Variants in CHIA observed in about 807,000 individuals in gnomAD.
CHIA encodes the protein chitinase acidic, also known as acidic mammalian chitinase.
Under a neutral mutation model 53.5 loss-of-function variants are expected in CHIA, and 47 were observed. The ratio of observed to expected loss-of-function variants is 0.88; its 90% CI spans 0.70 to 1.12. The LOEUF (loss-of-function observed/expected upper bound fraction) is 1.12, where lower values mean the gene tolerates loss of function less well. Ranked by LOEUF, CHIA falls within the 50% of genes most tolerant of loss-of-function variation. CHIA has a pLI of 0.00. For missense variants in CHIA, 652 were observed against 592.2 expected, an observed-to-expected ratio of 1.10 and a Z score of -1.05; for synonymous variants, 268 against 222.2, an observed-to-expected ratio of 1.21 and a Z score of -1.83.
intron 6 of CHIA, 178 bp downstream of exon 6, chr1:111,315,613 C>G (rs907326579): frequency 1.6e-6 from 1 of 644,118 alleles, no homozygotes; most frequent in Non-Finnish European, 2.6e-6. Flanking sequence ...AACAACAAAG[C>G]AACATGTGAG....
At chr1:111,315,663 C>A in intron 6 of CHIA, 1 of 588,886 alleles carries the variant, frequency 1.7e-6, no homozygotes, top group Admixed American at 2.3e-5. Flanking sequence ...TTTTAAGAAC[C>A]ATAACTCATT....
intron 1 of CHIA, among the ~76,000 whole-genome samples, chr1:111,293,202 A>G (rs1661131406): frequency 6.6e-6 from 1 of 152,206 alleles, no homozygotes. Flanking sequence ...TCCCACCAAC[A>G]GGGCACAACT....
rs748089793 is a variant in CHIA, at chr1:111,319,232, A to G, written c.1028A>G (p.Asp343Gly). The G allele has an allele frequency of 6.2e-7, 1 of 1,614,208 alleles. No homozygotes were observed. The highest frequency in any genetic ancestry group is 8.5e-7 in the Non-Finnish European group (1 of 1,180,022). The stretch of plus-strand genomic sequence containing the variant: ...GGCTATGACAACATCAAGAGCTTCG[A>G]TATTAAGGTAAGATCAGTCCCTTAA... Reference protein sequence around the residue: ...WVGYDNIKSFDIKAQWLKHNK... With the variant: ...WVGYDNIKSFGIKAQWLKHNK... Residue 343 changes from aspartate (D) to glycine (G), a missense_variant, in exon 10 of 12, where the codon GAT becomes GGT. Transcript: ENST00000369740.
intron 6 of CHIA, 126 bp from the exon 7 acceptor site, chr1:111,317,555 A>G (rs1649255764): frequency 1.9e-6 from 2 of 1,071,256 alleles, no homozygotes; most frequent in African/African-American, 1.6e-5. Context: ...GAGAGACTAA[A>G]GTAAAATAAA....
chr1:111,297,164 CAGG>C (rs958522420), intron 1 of CHIA, among the ~76,000 whole-genome samples: 4 of 152,132 alleles, frequency 2.6e-5, no homozygotes, highest in African/African-American at 9.7e-5. Flanking sequence ...GGATATTATC[CAGG>C]AGAACTTCCG....
chr1:111,310,545 T>C, intron 2 of CHIA, 53 bp downstream of exon 2: 1 of 1,613,142 alleles, frequency 6.2e-7, no homozygotes, highest in Non-Finnish European at 8.5e-7. Context: ...TCTTTTTCTC[T>C]CACAGGCTCT....
chr1:111,292,093 C>G (rs1433442075), intron 1 of CHIA, among the ~76,000 whole-genome samples: 1 of 152,092 alleles, frequency 6.6e-6, no homozygotes, highest in Non-Finnish European at 1.5e-5. Flanking sequence ...GTGCAAACTC[C>G]CCTTTCCCCT....
rs746988914 is a variant in CHIA, at chr1:111,318,012, C to G, written c.632C>G (p.Thr211Ser). The change falls in exon 8 of 12, where the codon ACC becomes AGC. Residue 211 changes from threonine to serine, a missense_variant. Physicochemically the swap from Thr to Ser is moderately conservative, Grantham distance 58. Transcript: ENST00000369740. ...TACCTGGACTACATCCATGTCATGA[C>G]CTACGACCTCCATGGCTCCTGGGAG... ...SQYLDYIHVM[T>S]YDLHGSWEGY... 3.7e-6 allele frequency: 6 copies of G among 1,614,050 alleles called. No individual in the cohort carries two copies.
chr1:111,315,177 G>GA, intron 5 of CHIA, 93 bp from the exon 6 acceptor site: 1 of 896,368 alleles, frequency 1.1e-6, no homozygotes, highest in Non-Finnish European at 1.8e-6. Flanking sequence ...GGGTCCTGAT[G>GA]AAGGGCTCTG....
intron 1 of CHIA, among the ~76,000 whole-genome samples, chr1:111,301,225 A>G (rs534439431): frequency 1.4e-4 from 21 of 152,338 alleles, no homozygotes; most frequent in Middle Eastern, 3.4e-3. Flanking sequence ...CGATCCCATT[A>G]CTGGGTATAT....
chr1:111,311,641 G>T, intron 2 of CHIA, 48 bp from the exon 3 acceptor site: 1 of 1,603,900 alleles, frequency 6.2e-7, no homozygotes. Context: ...TAGATTCTAC[G>T]GGGTACAGAC....
At chr1:111,291,339 G>A (rs1480425483) in intron 1 of CHIA, among the ~76,000 whole-genome samples, 1 of 152,192 alleles carries the variant, frequency 6.6e-6, no homozygotes. Context: ...CCATAAACAG[G>A]AATGAGATCA....
rs201266629 is a variant in CHIA at position 111,318,676 on chromosome 1, G to A, written c.913G>A (p.Glu305Lys). Residue 305 changes from glutamate to lysine, a missense_variant and splice_region_variant, in exon 9 of 12, where the codon GAG (glutamate) becomes AAG (lysine). By Grantham distance (56) the Glu-to-Lys change is moderately conservative. Transcript: ENST00000369740. ...AKESGIWAYYEICTFLKNGAT... is the reference protein window; with the variant it reads ...AKESGIWAYYKICTFLKNGAT... ...GGAGTCTGGGATCTGGGCTTACTAC[G>A]AGGTATGTAGATTGGACTGAAAAGT... 10 of 1,612,458 alleles carry A rather than the reference G, an allele frequency of 6.2e-6. No individual in the cohort carries two copies. In the African/African-American group the frequency reaches 6.7e-5, roughly 11 times the overall value.
At chr1:111,302,466 T>C (rs1055827652) in intron 1 of CHIA, among the ~76,000 whole-genome samples, 1 of 152,194 alleles carries the variant, frequency 6.6e-6, no homozygotes, top group Admixed American at 6.5e-5. Flanking sequence ...TTTTCATTCA[T>C]TTCTAAGTAT....
At chr1:111,291,790 C>G (rs755761799) in intron 1 of CHIA, among the ~76,000 whole-genome samples, 2 of 129,170 alleles carry the variant, frequency 1.5e-5, no homozygotes, top group Non-Finnish European at 3.1e-5. Context: ...AATGAGAATA[C>G]ATAGACACAG....
intron 1 of CHIA, 73 bp from the exon 2 acceptor site, chr1:111,310,327 T>C (rs933147059): frequency 2.8e-4 from 411 of 1,492,242 alleles, no homozygotes; most frequent in Non-Finnish European, 3.3e-4. Context: ...TGGGAGGGTG[T>C]TTGTAGAAGA....
intron 6 of CHIA, 99 bp downstream of exon 6, chr1:111,315,534 AACTGATAGAAT>A: frequency 8.1e-7 from 1 of 1,232,694 alleles, no homozygotes; most frequent in Non-Finnish European, 1.1e-6. Flanking sequence ...CTTGAATTTA[AACTGATAGAAT>A]ATTAGCATTG....
At chr1:111,311,636 T>G in intron 2 of CHIA, 53 bp from the exon 3 acceptor site, 1 of 1,597,684 alleles carries the variant, frequency 6.3e-7, no homozygotes, top group South Asian at 1.1e-5. Context: ...AGAATTAGAT[T>G]CTACGGGGTA....
At chr1:111,299,600 G>T (rs1300989549) in intron 1 of CHIA, among the ~76,000 whole-genome samples, 2 of 152,022 alleles carry the variant, frequency 1.3e-5, no homozygotes, top group East Asian at 1.9e-4. Context: ...AAAATAATAA[G>T]AACTATTTAT....
Sources: allele counts gnomAD v4.1 joint callset (sites outside exome capture counted in the v4.1 genomes callset), GRCh38; gene constraint gnomAD v4.1.1; transcripts MANE v1.5; gene names NCBI Gene and HGNC (gene_info 2026-07-23, HGNC 2026-07-21).